The following CUL5 variants were observed in gnomAD, a reference collection of about 807,000 sequenced individuals.
CUL5 encodes the protein cullin-5.
A neutral mutation model predicts 108.8 loss-of-function variants in CUL5; 26 were observed. That is an observed-to-expected ratio of 0.24 (90% CI 0.18 to 0.33). CUL5 has a LOEUF of 0.33. Ranked by LOEUF, CUL5 falls within the 10% of genes least tolerant of loss-of-function variation. The pLI, the probability that CUL5 is intolerant of heterozygous loss-of-function variation, is 1.00. For synonymous variants in CUL5, 334 were observed against 298.0 expected, an observed-to-expected ratio of 1.12 and a Z score of -1.25; for missense variants, 524 against 909.2, an observed-to-expected ratio of 0.58 and a Z score of 5.45.
chr11:108,018,324 A>G (rs568816690), intron 1 of CUL5, among the ~76,000 whole-genome samples: 36 of 152,350 alleles, frequency 2.4e-4, no homozygotes, highest in Non-Finnish European at 4.3e-4. Flanking sequence ...ATCAGCCCTC[A>G]GTATTCATGA....
chr11:108,042,943 A>G (rs1253765799), intron 2 of CUL5, among the ~76,000 whole-genome samples: 1 of 151,990 alleles, frequency 6.6e-6, no homozygotes, highest in Non-Finnish European at 1.5e-5. Context: ...TTGTATTTTT[A>G]GTAGAGATGG....
At chr11:108,088,204 G>A (rs1366325922) in intron 11 of CUL5, among the ~76,000 whole-genome samples, 1 of 152,010 alleles carries the variant, frequency 6.6e-6, no homozygotes, top group African/African-American at 2.4e-5. Context: ...TTTTTCTAAA[G>A]TATTTTAACA....
At chr11:108,038,044 C>T (rs1288797885) in intron 2 of CUL5, among the ~76,000 whole-genome samples, 1 of 152,134 alleles carries the variant, frequency 6.6e-6, no homozygotes, top group Non-Finnish European at 1.5e-5. Context: ...GATGTAGGAC[C>T]TTGCTGCATA....
chr11:108,020,598 T>TC (rs1373016287), intron 1 of CUL5, among the ~76,000 whole-genome samples: 4 of 151,876 alleles, frequency 2.6e-5, no homozygotes, highest in Non-Finnish European at 5.9e-5. Flanking sequence ...CCCAGGCTGG[T>TC]CTCAAACTCC....
chr11:108,016,729 G>A (rs1011022863), intron 1 of CUL5, among the ~76,000 whole-genome samples: 3 of 152,160 alleles, frequency 2.0e-5, no homozygotes, highest in African/African-American at 4.8e-5. Flanking sequence ...GGGAGGCCAA[G>A]GTGAGAGTAT....
rs542776712 is a variant in CUL5, at chr11:108,094,746, C to T, written c.1568-66C>T. The T allele has an allele frequency of 7.2e-6, 9 of 1,254,872 alleles. No homozygotes were observed. In the African/African-American group the frequency reaches 1.1e-4, roughly 15 times the overall value. The allele number at this position is 1,254,872 out of a possible 1,614,324, so 77.7% of individuals were successfully genotyped here. ...TTATTGATTTTTCACCCAAAGTTAC[C>T]CTGTATTTATTTTGAATTTTATCCA... On this transcript the variant is annotated intron_variant, in intron 14 of 18. Coordinates refer to ENST00000393094, the MANE Select transcript of CUL5 (RefSeq NM_003478.6).
intron 1 of CUL5, among the ~76,000 whole-genome samples, chr11:108,028,869 A>G (rs577597148): frequency 6.6e-6 from 1 of 152,296 alleles, no homozygotes; most frequent in Non-Finnish European, 1.5e-5. Flanking sequence ...CTTGCTCAGA[A>G]TCTTTTAATG....
At chr11:108,068,854 G>T (rs554814929) in intron 7 of CUL5, among the ~76,000 whole-genome samples, 1 of 152,050 alleles carries the variant, frequency 6.6e-6, no homozygotes, top group Non-Finnish European at 1.5e-5. Context: ...CAACAGCCTC[G>T]TTACCATATC....
chr11:108,102,472 G>A (rs1247989869), intron 18 of CUL5, among the ~76,000 whole-genome samples: 3 of 152,046 alleles, frequency 2.0e-5, no homozygotes, highest in Admixed American at 1.3e-4. Flanking sequence ...GACCACAGGC[G>A]CGTGCCACCA....
intron 5 of CUL5, 94 bp from the exon 6 acceptor site, chr11:108,054,553 C>T: frequency 2.5e-6 from 2 of 811,718 alleles, no homozygotes; most frequent in Non-Finnish European, 3.8e-6. Context: ...TGTTACCTTG[C>T]ACATAATGAC....
chr11:108,010,384 G>A, intron 1 of CUL5, among the ~76,000 whole-genome samples: 1 of 152,182 alleles, frequency 6.6e-6, no homozygotes, highest in East Asian at 1.9e-4. Context: ...TAACCATCAT[G>A]TCTTCTTTAG....
intron 1 of CUL5, among the ~76,000 whole-genome samples, chr11:108,010,270 T>C (rs1413687369): frequency 1.3e-5 from 2 of 152,258 alleles, no homozygotes; most frequent in Admixed American, 6.5e-5. Flanking sequence ...CAGTCACTTT[T>C]GCACCAGCCT....
At chr11:108,011,720 C>T (rs1314856865) in intron 1 of CUL5, among the ~76,000 whole-genome samples, 5 of 152,044 alleles carry the variant, frequency 3.3e-5, no homozygotes, top group African/African-American at 7.2e-5. Context: ...TTCCGCCTCC[C>T]GGGTTCAAGC....
chr11:108,101,188 C>T (rs1339424800), intron 18 of CUL5, among the ~76,000 whole-genome samples: 1 of 152,178 alleles, frequency 6.6e-6, no homozygotes, highest in Non-Finnish European at 1.5e-5. Flanking sequence ...CCTCCTGATC[C>T]TACTCCATTC....
chr11:108,083,280 G>A (rs992955860), intron 11 of CUL5, among the ~76,000 whole-genome samples: 10 of 152,198 alleles, frequency 6.6e-5, no homozygotes, highest in Non-Finnish European at 1.3e-4. Context: ...CTGTCTGGTA[G>A]ATATACTATA....
intron 7 of CUL5, among the ~76,000 whole-genome samples, chr11:108,058,137 AG>A (rs1863437932): frequency 7.5e-6 from 1 of 133,870 alleles, no homozygotes; most frequent in Non-Finnish European, 1.6e-5. Context: ...TGAACCTGGG[AG>A]GCAGAGGTTG....
intron 1 of CUL5, among the ~76,000 whole-genome samples, chr11:108,019,892 C>T (rs913922263): frequency 1.3e-5 from 2 of 152,068 alleles, no homozygotes; most frequent in African/African-American, 4.8e-5. Context: ...CTACTCATGG[C>T]AGAAGGTGAA....
chr11:108,033,487 C>T (rs1343382896), intron 1 of CUL5, among the ~76,000 whole-genome samples: 1 of 152,126 alleles, frequency 6.6e-6, no homozygotes, highest in Admixed American at 6.6e-5. Flanking sequence ...CCCAAGGCCT[C>T]CCAAAGACAT....
rs1861998056 is a variant in CUL5, at chr11:108,009,312, T to G, written c.-37T>G. 3 of 1,608,222 alleles carry G rather than the reference T, an allele frequency of 1.9e-6. No homozygotes were observed. The highest frequency in any genetic ancestry group is 1.3e-5 in the African/African-American group (1 of 74,126). ...AAGGCCTGGCCGGGAGCGCCACGAA[T>G]TCTCGCGTCGTCTCGCGAGAGTCCA... On this transcript the variant is annotated 5_prime_UTR_variant, in exon 1 of 19. Coordinates refer to ENST00000393094, the MANE Select transcript of CUL5 (RefSeq NM_003478.6).
Sources: gnomAD v4.1 joint callset for allele counts (sites outside exome capture counted in the v4.1 genomes callset) on GRCh38, gnomAD v4.1.1 for gene constraint, MANE v1.5 for transcripts, NCBI Gene and HGNC (gene_info 2026-07-23, HGNC 2026-07-21) for gene names.